The following LRRIQ1 variants were observed in gnomAD, a reference collection of about 807,000 sequenced individuals.
The protein encoded by LRRIQ1 is leucine-rich repeat- and IQ domain-containing protein 1.
Under a neutral mutation model 211.9 loss-of-function variants are expected in LRRIQ1, and 210 were observed. The observed-to-expected ratio is 0.99, with a 90% confidence interval of 0.89 to 1.11. The LOEUF (loss-of-function observed/expected upper bound fraction) is 1.11, where lower values mean the gene tolerates loss of function less well. Ranked by LOEUF, LRRIQ1 falls within the 50% of genes most tolerant of loss-of-function variation. LRRIQ1 has a pLI of 0.00. For synonymous variants in LRRIQ1, 699 were observed against 650.1 expected (o/e 1.08, Z -1.14); for missense variants, 2,136 against 1,939.5 (o/e 1.10, Z -1.90).
intron 24 of LRRIQ1, among the ~76,000 whole-genome samples, chr12:85,225,913 G>T (rs1331648217): frequency 6.6e-6 from 1 of 152,162 alleles, no homozygotes; most frequent in Non-Finnish European, 1.5e-5. Context: ...ATTTTGCTGA[G>T]ACAGAACCAC....
At chr12:85,098,844 T>C in intron 12 of LRRIQ1, 23 bp from the exon 13 acceptor site, 1 of 1,510,094 alleles carries the variant, frequency 6.6e-7, no homozygotes. Flanking sequence ...TAATATAAAC[T>C]AATGAACCAA....
intron 24 of LRRIQ1, among the ~76,000 whole-genome samples, chr12:85,200,698 A>T (rs1605398): frequency 0.49 from 74,107 of 152,090 alleles, 21,885 homozygotes; most frequent in African/African-American, 0.84. Flanking sequence ...TCTATTGAGA[A>T]TTCTTGTGGT....
chr12:85,074,306 T>A (rs368205624), intron 11 of LRRIQ1, among the ~76,000 whole-genome samples: 10 of 152,060 alleles, frequency 6.6e-5, no homozygotes, highest in East Asian at 5.8e-4. Context: ...ATTTTTTAAT[T>A]TTTATTTTTG....
At chr12:85,154,752 C>A (rs1445107085) in intron 23 of LRRIQ1, among the ~76,000 whole-genome samples, 1 of 150,938 alleles carries the variant, frequency 6.6e-6, no homozygotes, top group Non-Finnish European at 1.5e-5. Flanking sequence ...TTGCATGTAA[C>A]TTTATATATA....
chr12:85,226,890 G>A (rs1894686512), intron 24 of LRRIQ1, among the ~76,000 whole-genome samples: 3 of 151,772 alleles, frequency 2.0e-5, no homozygotes, highest in Admixed American at 2.0e-4. Context: ...AGTATTCCAT[G>A]GTGTATATGT....
At chr12:85,241,839 T>G (rs1269560548) in intron 26 of LRRIQ1, among the ~76,000 whole-genome samples, 1 of 152,096 alleles carries the variant, frequency 6.6e-6, no homozygotes, top group African/African-American at 2.4e-5. Flanking sequence ...AAAATCTTGT[T>G]TATGAAAAAA....
At chr12:85,113,980 G>A (rs1012424668) in intron 15 of LRRIQ1, among the ~76,000 whole-genome samples, 2 of 146,092 alleles carry the variant, frequency 1.4e-5, no homozygotes, top group Non-Finnish European at 3.0e-5. Context: ...TAGACCTTTC[G>A]TGCACTGGGT....
chr12:85,256,864 T>G (rs1896110206), intron 1 of LRRIQ1, among the ~76,000 whole-genome samples: 1 of 149,888 alleles, frequency 6.7e-6, no homozygotes, highest in Non-Finnish European at 1.5e-5. Context: ...GAAAATCTAA[T>G]TTGAGTTTTA....
intron 24 of LRRIQ1, among the ~76,000 whole-genome samples, chr12:85,171,962 G>A (rs1891440545): frequency 6.6e-6 from 1 of 152,190 alleles, no homozygotes; most frequent in Non-Finnish European, 1.5e-5. Context: ...GCTGACTAAT[G>A]TAATAATGTA....
chr12:85,085,183 C>T lies in LRRIQ1; in HGVS notation c.2887+12085C>T, dbSNP rs117532006. 0.014 allele frequency among the ~76,000 whole-genome samples: 2,130 copies of T among 152,060 alleles called. 114 individuals carry two copies. The East Asian group carries it at 0.2, about 15-fold the overall frequency. The stretch of plus-strand genomic sequence containing the variant: ...CTGTTTTCACAGTGTGATAAATACC[C>T]GAGACTGGGTAATTTATAAAGGGAA... On this transcript the variant is annotated intron_variant, in intron 11 of 26. Transcript: ENST00000393217.
At chr12:85,095,187 G>A (rs1011213412) in intron 11 of LRRIQ1, among the ~76,000 whole-genome samples, 3 of 152,100 alleles carry the variant, frequency 2.0e-5, no homozygotes, top group Admixed American at 1.3e-4. Context: ...TCCTTGTCTT[G>A]TTCCAGTTCT....
intron 1 of LRRIQ1, among the ~76,000 whole-genome samples, chr12:85,256,180 T>G (rs1312968321): frequency 6.6e-6 from 1 of 151,638 alleles, no homozygotes. Context: ...ATTTCATCTG[T>G]ATTTTGTAAG....
At chr12:85,152,232 A>G in intron 19 of LRRIQ1, 48 bp from the exon 20 acceptor site, 1 of 1,486,614 alleles carries the variant, frequency 6.7e-7, no homozygotes, top group South Asian at 1.2e-5. Flanking sequence ...GAAACATTGT[A>G]AAAGTTATGT....
chr12:85,238,569 GA>G (rs1234979496), intron 26 of LRRIQ1, among the ~76,000 whole-genome samples: 5 of 151,532 alleles, frequency 3.3e-5, no homozygotes, highest in East Asian at 1.9e-4. Context: ...GAAAGTGGAA[GA>G]AAAAAATGTC....
intron 10 of LRRIQ1, among the ~76,000 whole-genome samples, chr12:85,072,585 A>T (rs1883207130): frequency 6.7e-6 from 1 of 148,424 alleles, no homozygotes; most frequent in East Asian, 2.0e-4. Context: ...TGTGAATGTT[A>T]CTGCCGTGCA....
At chr12:85,070,082 C>A (rs1262336218) in intron 10 of LRRIQ1, among the ~76,000 whole-genome samples, 1 of 152,076 alleles carries the variant, frequency 6.6e-6, no homozygotes, top group South Asian at 2.1e-4. Context: ...AATGTTAGAC[C>A]TAAAACCATA....
chr12:85,260,446 C>G (rs568192510), intron 1 of LRRIQ1, among the ~76,000 whole-genome samples: 4 of 142,522 alleles, frequency 2.8e-5, no homozygotes, highest in Admixed American at 2.7e-4. Flanking sequence ...TACTTATTAC[C>G]TTGAATAATG....
chr12:85,259,798 G>A (rs113740740), intron 1 of LRRIQ1, among the ~76,000 whole-genome samples: 23 of 151,986 alleles, frequency 1.5e-4, no homozygotes, highest in Non-Finnish European at 2.6e-4. Flanking sequence ...ATTATACCAA[G>A]CAATGGAAAG....
intron 11 of LRRIQ1, among the ~76,000 whole-genome samples, chr12:85,085,961 G>A (rs1884773555): frequency 6.6e-6 from 1 of 152,116 alleles, no homozygotes; most frequent in African/African-American, 2.4e-5. Context: ...ATTTAGTAAT[G>A]GTATTGTTGG....
Sources: allele counts gnomAD v4.1 joint callset (sites outside exome capture counted in the v4.1 genomes callset), GRCh38; gene constraint gnomAD v4.1.1; transcripts MANE v1.5; gene names NCBI Gene and HGNC (gene_info 2026-07-23, HGNC 2026-07-21).